Variants in CSMD1 observed in about 807,000 individuals in gnomAD.
CSMD1 encodes the protein CUB and Sushi multiple domains 1, also known as CUB and sushi domain-containing protein 1.
CSMD1 carries 213 observed loss-of-function variants against 417.5 expected under a neutral mutation model. The ratio of observed to expected loss-of-function variants is 0.51; its 90% CI spans 0.46 to 0.57. The LOEUF is 0.57. Ranked by LOEUF, CSMD1 falls within the 20% of genes least tolerant of loss-of-function variation. The pLI, the probability that CSMD1 is intolerant of heterozygous loss-of-function variation, is 0.00. For missense variants in CSMD1, 6,923 were observed against 4,529.7 expected (o/e 1.53, Z -15.17); for synonymous variants, 2,862 against 1,736.8 (o/e 1.65, Z -16.11).
chr8:3,343,227 TAAGCC>T, intron 23 of CSMD1, 62 bp downstream of exon 23: 1 of 1,377,678 alleles, frequency 7.3e-7, no homozygotes. Flanking sequence ...AAACTTAATA[TAAGCC>T]AAGTATCAGA....
chr8:4,071,768 T>C (rs1391088817), intron 3 of CSMD1, among the ~76,000 whole-genome samples: 4 of 152,160 alleles, frequency 2.6e-5, no homozygotes, highest in African/African-American at 9.7e-5. Flanking sequence ...TGGGGTTTTA[T>C]TTTTTATTCC....
chr8:3,838,594 CTATA>C (rs1486148131), intron 5 of CSMD1, among the ~76,000 whole-genome samples: 2 of 132,804 alleles, frequency 1.5e-5, no homozygotes, highest in African/African-American at 5.8e-5. Flanking sequence ...TAGTCCCTCT[CTATA>C]TAAATATTTA....
chr8:3,284,230 T>A lies in CSMD1; in HGVS notation c.4067A>T (p.Asp1356Val). The A allele has an allele frequency of 6.2e-7, 1 of 1,613,108 alleles. No homozygotes were observed. Among genetic ancestry groups the A allele is most frequent in the Non-Finnish European group, 8.5e-7 (1 of 1,179,626 alleles). The change falls in exon 26 of 70, where the codon GAC (aspartate) becomes GTC (valine). Residue 1356 changes from aspartate (D) to valine (V), a missense_variant. Coordinates refer to ENST00000635120, the MANE Select transcript of CSMD1 (RefSeq NM_033225.6). ...KEWSGSALPE[D>V]IHSTFNSLTL... ...GAGTGAGTTGAAGGTGCTGTGGATG[T>A]CCTCCGGAAGGGCGGAGCCACTCCA... is the stretch of plus-strand genomic sequence containing the variant.
rs183432300 is a variant in CSMD1 at position 4,659,083 on chromosome 8, C to T, written c.86-21525G>A. On this transcript the variant is annotated intron_variant, in intron 1 of 69. Transcript: ENST00000635120. ...AGAAAACCAGAGAACTTCACAAATA[C>T]ATACAAATAAAATAACCGATTAAAA... Among the ~76,000 whole-genome samples, 651 of 152,072 alleles carry T rather than the reference C, an allele frequency of 4.3e-3. 8 individuals carry two copies. The highest frequency in any genetic ancestry group is 0.015 in the African/African-American group (636 of 41,524).
chr8:3,293,616 T>G (rs988280698), intron 25 of CSMD1, among the ~76,000 whole-genome samples: 1 of 152,226 alleles, frequency 6.6e-6, no homozygotes, highest in Non-Finnish European at 1.5e-5. Flanking sequence ...CTGTTGATTG[T>G]ATTGGCTACT....
chr8:4,692,004 C>G (rs1258855569), intron 1 of CSMD1, among the ~76,000 whole-genome samples: 1 of 152,166 alleles, frequency 6.6e-6, no homozygotes, highest in Non-Finnish European at 1.5e-5. Context: ...CTTCAGTGCC[C>G]TCTTGTACAG....
intron 2 of CSMD1, among the ~76,000 whole-genome samples, chr8:4,491,956 T>C (rs1378133330): frequency 6.6e-6 from 1 of 151,732 alleles, no homozygotes; most frequent in African/African-American, 2.4e-5. Context: ...TGCCAAAAAT[T>C]GGAAGTAACC....
At chr8:4,242,800 A>C (rs2128823121) in intron 3 of CSMD1, among the ~76,000 whole-genome samples, 1 of 152,324 alleles carries the variant, frequency 6.6e-6, no homozygotes, top group Admixed American at 6.5e-5. Flanking sequence ...ATAAAGTTGG[A>C]GGAAACCTTC....
chr8:3,694,453 G>C (rs1431125433), intron 7 of CSMD1, among the ~76,000 whole-genome samples: 1 of 152,160 alleles, frequency 6.6e-6, no homozygotes, highest in Admixed American at 6.5e-5. Context: ...GCATACATGA[G>C]TCTGGGAAAG....
rs550001284 is a variant in CSMD1 at position 4,292,147 on chromosome 8, T to C, written c.415+127806A>G. ...TACCAACAACAAAGAAATATGAAAA[T>C]GACCCAGGTGAGCCCGGTCATAGAT... On this transcript the variant is annotated intron_variant, in intron 3 of 69. Coordinates refer to ENST00000635120, the MANE Select transcript of CSMD1 (RefSeq NM_033225.6). Among the ~76,000 whole-genome samples, 4 of 152,230 alleles carry C rather than the reference T, an allele frequency of 2.6e-5. No individual in the cohort carries two copies. The East Asian group carries it at 7.7e-4, about 29-fold the overall frequency.
intron 7 of CSMD1, among the ~76,000 whole-genome samples, chr8:3,630,753 G>T (rs1796743955): frequency 6.6e-6 from 1 of 152,116 alleles, no homozygotes; most frequent in Non-Finnish European, 1.5e-5. Context: ...TGAGCCAACG[G>T]TGGTAGCACT....
chr8:4,926,602 T>C (rs1421810721), intron 1 of CSMD1, among the ~76,000 whole-genome samples: 2 of 152,208 alleles, frequency 1.3e-5, no homozygotes, highest in African/African-American at 2.4e-5. Context: ...AAAGAAAATA[T>C]GGAATAAAAA....
intron 6 of CSMD1, among the ~76,000 whole-genome samples, chr8:3,746,328 C>A (rs530744470): frequency 6.6e-6 from 1 of 152,182 alleles, no homozygotes; most frequent in Admixed American, 6.5e-5. Flanking sequence ...TTAAAATCTA[C>A]CAGTCACTGC....
At position 3,266,044 on chromosome 8, in the gene CSMD1, TAGAG is replaced by T. The variant is rs1287568074; in HGVS notation, c.4153+18096_4153+18099del. ...TCATGAGGTAGACATGAGCTGGAAA[TAGAG>T]AGCTTTGAAGTTATTACCTTATGAA... On this transcript the variant is annotated intron_variant, in intron 26 of 69. Transcript: ENST00000635120. Among the ~76,000 whole-genome samples, 10 of 151,798 alleles carry T rather than the reference TAGAG, an allele frequency of 6.6e-5. 1 individual carries two copies. In the South Asian group the frequency reaches 1.2e-3, roughly 19 times the overall value.
intron 12 of CSMD1, among the ~76,000 whole-genome samples, chr8:3,464,383 G>T (rs1816684619): frequency 6.6e-6 from 1 of 152,014 alleles, no homozygotes; most frequent in African/African-American, 2.4e-5. Flanking sequence ...TGGTTATGAG[G>T]GAACCCAACT....
rs1046936634 is a variant in CSMD1 at position 4,637,802 on chromosome 8, G to C, written c.86-244C>G. Among the ~76,000 whole-genome samples, 419 of 151,574 alleles carry C rather than the reference G, an allele frequency of 2.8e-3. 4 individuals are homozygous for C. The highest frequency in any genetic ancestry group is 3.9e-3 in the Admixed American group (59 of 15,212). On this transcript the variant is annotated intron_variant, in intron 1 of 69. Transcript: ENST00000635120. Reference sequence around the variant, plus strand: ...TCTCCTGCCTCAGCCTCCCGAGTAGGTGGGACTACAGGCGCCCGCCACCGC... The same window carrying C: ...TCTCCTGCCTCAGCCTCCCGAGTAGCTGGGACTACAGGCGCCCGCCACCGC...
chr8:4,480,323 C>T (rs773455745), intron 2 of CSMD1, among the ~76,000 whole-genome samples: 1 of 152,144 alleles, frequency 6.6e-6, no homozygotes, highest in Admixed American at 6.6e-5. Context: ...TGTGTTTCTG[C>T]AGCCTTTGAG....
At chr8:3,063,201 G>T (rs1385803889) in intron 49 of CSMD1, among the ~76,000 whole-genome samples, 1 of 152,178 alleles carries the variant, frequency 6.6e-6, no homozygotes. Flanking sequence ...TCCCTGATAA[G>T]TGGGCTTGTT....
At chr8:4,146,769 A>C (rs1014800157) in intron 3 of CSMD1, among the ~76,000 whole-genome samples, 2 of 148,354 alleles carry the variant, frequency 1.3e-5, no homozygotes, top group Non-Finnish European at 3.0e-5. Context: ...CCGGCACCAG[A>C]CTCGACTAAT....
Sources: gnomAD v4.1 joint callset for allele counts (sites outside exome capture counted in the v4.1 genomes callset) on GRCh38, gnomAD v4.1.1 for gene constraint, MANE v1.5 for transcripts, NCBI Gene and HGNC (gene_info 2026-07-23, HGNC 2026-07-21) for gene names.